Variants in ATXN7 observed in about 807,000 individuals in gnomAD.
ATXN7 encodes ataxin 7.
A neutral mutation model predicts 70.5 loss-of-function variants in ATXN7; 12 were observed. That is an observed-to-expected ratio of 0.17 (90% confidence interval 0.11 to 0.28). The LOEUF is 0.28. Among genes scored for constraint, ATXN7 ranks in the 10% least tolerant of loss-of-function variants. The pLI, the probability that ATXN7 is intolerant of heterozygous loss-of-function variation, is 1.00. For missense variants in ATXN7, 1,256 were observed against 1,131.7 expected (o/e 1.11, Z -1.58); for synonymous variants, 498 against 448.7 (o/e 1.11, Z -1.39).
chr3:63,930,855 G>A (rs558997411), intron 4 of ATXN7, among the ~76,000 whole-genome samples: 2 of 152,184 alleles, frequency 1.3e-5, no homozygotes, highest in Non-Finnish European at 2.9e-5. Flanking sequence ...TAATGGATTC[G>A]AATGTATCTG....
At chr3:63,877,043 T>C (rs1259986493) in intron 1 of ATXN7, among the ~76,000 whole-genome samples, 2 of 152,248 alleles carry the variant, frequency 1.3e-5, no homozygotes, top group Admixed American at 6.5e-5. Context: ...GCATTCTTGT[T>C]TTGCACATTT....
Position 63,909,722 on chromosome 3 carries a change from A to AG in ATXN7, c.-11-2864dup, listed in dbSNP as rs3836526. ...GGATATCAGAACATTTCTAGGAGTT[A>AG]GGACTTTTTTATGGGTGAAGAAAGA... On this transcript the variant is annotated intron_variant, in intron 2 of 12. Coordinates refer to ENST00000674280, the MANE Select transcript of ATXN7 (RefSeq NM_001377405.1). 2.6e-5 allele frequency among the ~76,000 whole-genome samples: 4 copies of AG among 152,206 alleles called. No individual in the cohort carries two copies. The East Asian group carries it at 7.7e-4, about 29-fold the overall frequency.
chr3:63,913,933 A>G (rs1212204995), intron 4 of ATXN7, among the ~76,000 whole-genome samples: 1 of 152,022 alleles, frequency 6.6e-6, no homozygotes, highest in Non-Finnish European at 1.5e-5. Context: ...TTTTCTTGAG[A>G]TTTTCTTTTT....
chr3:63,874,259 T>C (rs1185607600), intron 1 of ATXN7, among the ~76,000 whole-genome samples: 2 of 152,230 alleles, frequency 1.3e-5, no homozygotes, highest in Admixed American at 6.5e-5. Context: ...AGATAAAGTT[T>C]ATGGTCTCTG....
intron 5 of ATXN7, among the ~76,000 whole-genome samples, chr3:63,973,674 A>G (rs913919182): frequency 6.6e-6 from 1 of 152,006 alleles, no homozygotes. Context: ...AATTGCACCC[A>G]AGAAGAATGA....
chr3:63,944,949 A>T (rs1016722370), intron 4 of ATXN7, among the ~76,000 whole-genome samples: 1 of 151,948 alleles, frequency 6.6e-6, no homozygotes, highest in East Asian at 1.9e-4. Context: ...AAACCACCAC[A>T]CCCAACTAAT....
At chr3:63,871,849 G>T (rs536526335) in intron 1 of ATXN7, among the ~76,000 whole-genome samples, 27 of 148,026 alleles carry the variant, frequency 1.8e-4, no homozygotes, top group Non-Finnish European at 3.0e-4. Flanking sequence ...TTATAATCTG[G>T]TTTGTTTTTA....
chr3:64,000,633 C>G lies in ATXN7; in HGVS notation c.*1166C>G, dbSNP rs1162724371. 2.0e-5 allele frequency: 3 copies of G among 152,106 alleles called. No individual in the cohort carries two copies. Among genetic ancestry groups the G allele is most frequent in the Admixed American group, 2.0e-4 (3 of 15,252 alleles). 9.4% of individuals were successfully genotyped at this position (152,106 alleles called of 1,614,324 possible). The stretch of plus-strand genomic sequence containing the variant: ...ATGTTTATTTGGATGTGGTTGGGGA[C>G]GAGAGCAGACACCAAGGAAAGGGAG... On this transcript the variant is annotated 3_prime_UTR_variant, in exon 13 of 13. Transcript: ENST00000674280.
chr3:63,956,338 G>A (rs1341420429), intron 5 of ATXN7, among the ~76,000 whole-genome samples: 2 of 148,278 alleles, frequency 1.3e-5, no homozygotes, highest in African/African-American at 2.5e-5. Flanking sequence ...GGAGAATGGC[G>A]TGAACGCTGG....
At chr3:63,981,162 C>A (rs928135173) in intron 6 of ATXN7, among the ~76,000 whole-genome samples, 8 of 152,168 alleles carry the variant, frequency 5.3e-5, no homozygotes, top group African/African-American at 1.9e-4. Flanking sequence ...AAGGACCTTG[C>A]CAGCTGGGAG....
rs180696871 is a variant in ATXN7, at chr3:63,999,481, C to A, written c.*14C>A. The stretch of plus-strand genomic sequence containing the variant: ...GCACGTCCCTGACAGCTGAAAATAG[C>A]ACGGGGAGGAATAATGCGGACACTT... On this transcript the variant is annotated 3_prime_UTR_variant, in exon 13 of 13. Coordinates refer to ENST00000674280, the MANE Select transcript of ATXN7 (RefSeq NM_001377405.1). 5.6e-3 allele frequency: 9,000 copies of A among 1,613,846 alleles called. 36 individuals carry two copies. The highest frequency in any genetic ancestry group is 6.7e-3 in the Non-Finnish European group (7,871 of 1,179,894).
chr3:63,940,553 A>G (rs1427839714), intron 4 of ATXN7, among the ~76,000 whole-genome samples: 3 of 152,174 alleles, frequency 2.0e-5, no homozygotes, highest in African/African-American at 7.2e-5. Flanking sequence ...TCATAACCAC[A>G]ATAATAATAA....
At position 63,882,953 on chromosome 3, in the gene ATXN7, C is replaced by A. The variant is rs183005169; in HGVS notation, c.-110-15446C>A. Among the ~76,000 whole-genome samples the A allele has an allele frequency of 1.4e-3, 211 of 152,194 alleles. 1 individual carries two copies. The highest frequency in any genetic ancestry group is 4.8e-3 in the African/African-American group (200 of 41,526). On this transcript the variant is annotated intron_variant, in intron 1 of 12. Transcript: ENST00000674280. The stretch of plus-strand genomic sequence containing the variant: ...GGAGTGTGTTTTCCATGCATTCTTC[C>A]TGAGAAGTAGGTTTGATTATACAGT...
chr3:63,866,871 G>A (rs1173730595), intron 1 of ATXN7: 1 of 151,782 alleles, frequency 6.6e-6, no homozygotes, highest in Non-Finnish European at 1.5e-5. Flanking sequence ...ACACAGAAAT[G>A]GAAGTAGCAG....
chr3:63,980,751 G>A (rs1333781763), intron 6 of ATXN7: 2 of 153,556 alleles, frequency 1.3e-5, no homozygotes, highest in Non-Finnish European at 2.9e-5. Flanking sequence ...CTGCTGCTGT[G>A]GATAATAGTA....
chr3:63,998,967 C>T, intron 12 of ATXN7: 1 of 157,430 alleles, frequency 6.4e-6, no homozygotes, highest in Non-Finnish European at 1.4e-5. Context: ...ATGGCCTGTG[C>T]CACCAAAGAT....
At chr3:63,996,549 T>A in intron 12 of ATXN7, 66 bp downstream of exon 12, 1 of 1,506,538 alleles carries the variant, frequency 6.6e-7, no homozygotes, top group South Asian at 1.2e-5. Context: ...TTTTGTCAGC[T>A]CAGAAATGTG....
In ATXN7 at chr3:63,990,873, G is replaced by C. The variant is rs767201369; in HGVS notation, c.1682+14G>C. ...ACAGCTATGGAAGTGAGTGCCTGTT[G>C]TTCTTGGGAGAGGAGCTGACTTTAC... On this transcript the variant is annotated intron_variant, in intron 11 of 12. Transcript: ENST00000674280. 1.9e-6 allele frequency: 3 copies of C among 1,614,224 alleles called. No homozygotes were observed. Among genetic ancestry groups the C allele is most frequent in the Non-Finnish European group, 1.7e-6 (2 of 1,180,030 alleles).
In ATXN7 at chr3:63,980,132, T is replaced by C; in HGVS notation, c.717T>C (p.His239=). Reference sequence around the variant, plus strand: ...TCAGGGGGAACACCAGGCCAATGCATCCCATTCAGCAAAGTAGAGTTCCCC... The same window carrying C: ...TCAGGGGGAACACCAGGCCAATGCACCCCATTCAGCAAAGTAGAGTTCCCC... The part of the protein sequence containing the change: ...LQLRGNTRPM[H]PIQQSRVPHG... Residue 239 remains histidine, a synonymous_variant, in exon 6 of 13, where the codon CAT becomes CAC. Coordinates refer to ENST00000674280, the MANE Select transcript of ATXN7 (RefSeq NM_001377405.1). 1 of 1,614,188 alleles carries C rather than the reference T, an allele frequency of 6.2e-7. No homozygotes were observed. Among genetic ancestry groups the C allele is most frequent in the Non-Finnish European group, 8.5e-7 (1 of 1,180,028 alleles).
Sources: gnomAD v4.1 joint callset for allele counts (sites outside exome capture counted in the v4.1 genomes callset) on GRCh38, gnomAD v4.1.1 for gene constraint, MANE v1.5 for transcripts, NCBI Gene and HGNC (gene_info 2026-07-23, HGNC 2026-07-21) for gene names.